VAMP7: variants seen among roughly 807,000 people sequenced by gnomAD.
The protein encoded by VAMP7 is vesicle associated membrane protein 7, also known as vesicle-associated membrane protein 7.
VAMP7 carries 14 observed loss-of-function variants against 29.6 expected under a neutral mutation model. That is an observed-to-expected ratio of 0.47 (90% confidence interval 0.31 to 0.74). VAMP7 has a LOEUF of 0.74. VAMP7 is among the 30% of genes least tolerant of loss of function. The pLI, the probability that VAMP7 is intolerant of heterozygous loss-of-function variation, is 0.05. For synonymous variants in VAMP7, 95 were observed against 88.1 expected (o/e 1.08, Z -0.44); for missense variants, 223 against 262.4 (o/e 0.85, Z 1.04).
chrX:155,912,235 T>A (rs2066247537), intron 5 of VAMP7, among the ~76,000 whole-genome samples: 1 of 152,156 alleles, frequency 6.6e-6, no homozygotes, highest in South Asian at 2.1e-4. Context: ...TATATATTTT[T>A]ATTTGAATAT....
chrX:155,925,474 G>C (rs1391759278), intron 6 of VAMP7, among the ~76,000 whole-genome samples: 1 of 152,196 alleles, frequency 6.6e-6, no homozygotes. Context: ...TTTTGCCAAA[G>C]TTGAGAGCGC....
At chrX:155,908,018 G>A (rs1478958117) in intron 5 of VAMP7, among the ~76,000 whole-genome samples, 6 of 151,530 alleles carry the variant, frequency 4.0e-5, no homozygotes, top group Admixed American at 2.0e-4. Flanking sequence ...GGGCAGAGAC[G>A]CTCCTCACTT....
chrX:155,940,280 A>G (rs1165336578), intron 7 of VAMP7, among the ~76,000 whole-genome samples: 4 of 152,108 alleles, frequency 2.6e-5, no homozygotes, highest in Non-Finnish European at 4.4e-5. Context: ...TACCCTGTTC[A>G]TGGTCAGATA....
chrX:155,916,952 T>G (rs2066322206), intron 5 of VAMP7, among the ~76,000 whole-genome samples: 1 of 152,188 alleles, frequency 6.6e-6, no homozygotes, highest in African/African-American at 2.4e-5. Flanking sequence ...AAAGAATGTT[T>G]TCCAACTTGG....
At chrX:155,939,135 G>T (rs1447995455) in intron 6 of VAMP7, among the ~76,000 whole-genome samples, 2 of 151,896 alleles carry the variant, frequency 1.3e-5, no homozygotes, top group African/African-American at 4.8e-5. Flanking sequence ...AGTTTTGTTG[G>T]TTGGTTGTTT....
chrX:155,919,520 A>C (rs1437765068), intron 5 of VAMP7, among the ~76,000 whole-genome samples: 1 of 152,164 alleles, frequency 6.6e-6, no homozygotes, highest in East Asian at 1.9e-4. Flanking sequence ...GGGTACATTC[A>C]GTAGTGTAGT....
chrX:155,896,277 G>A (rs2065986503), intron 3 of VAMP7, among the ~76,000 whole-genome samples: 1 of 152,110 alleles, frequency 6.6e-6, no homozygotes, highest in Admixed American at 6.5e-5. Flanking sequence ...TTTGTAGTGA[G>A]AATTGATGTT....
chrX:155,940,458 C>T (rs2066727462), intron 7 of VAMP7, among the ~76,000 whole-genome samples: 1 of 152,176 alleles, frequency 6.6e-6, no homozygotes, highest in Non-Finnish European at 1.5e-5. Flanking sequence ...AGATTTTATA[C>T]TGGAAGTAAT....
chrX:155,888,949 ATAAT>A (rs1463335730), intron 1 of VAMP7, among the ~76,000 whole-genome samples: 2 of 152,200 alleles, frequency 1.3e-5, no homozygotes, highest in Non-Finnish European at 2.9e-5. Flanking sequence ...AAATGGATTA[ATAAT>A]TATAAAGTAT....
At chrX:155,903,340 C>A (rs2066096508) in intron 5 of VAMP7, among the ~76,000 whole-genome samples, 1 of 151,974 alleles carries the variant, frequency 6.6e-6, no homozygotes, top group African/African-American at 2.4e-5. Context: ...GCAACAAAAG[C>A]CAAAATTGAC....
intron 5 of VAMP7, among the ~76,000 whole-genome samples, chrX:155,901,166 T>C (rs1238884614): frequency 2.0e-5 from 3 of 152,054 alleles, no homozygotes; most frequent in Admixed American, 6.6e-5. Context: ...TTGTGCCTAT[T>C]ATGTTTTTCT....
At chrX:155,903,395 AACT>A (rs1042515645) in intron 5 of VAMP7, among the ~76,000 whole-genome samples, 13 of 152,202 alleles carry the variant, frequency 8.5e-5, no homozygotes, top group African/African-American at 3.1e-4. Flanking sequence ...CAGCAAAAGA[AACT>A]ACTATCAGAG....
intron 4 of VAMP7, among the ~76,000 whole-genome samples, chrX:155,899,384 C>T (rs986182453): frequency 2.3e-4 from 35 of 151,760 alleles, no homozygotes; most frequent in African/African-American, 7.5e-4. Flanking sequence ...AGACACCTTT[C>T]GAAATGCTTC....
intron 1 of VAMP7, 111 bp downstream of exon 1, chrX:155,881,559 C>T (rs2065801845): frequency 6.6e-6 from 1 of 152,584 alleles, no homozygotes; most frequent in Non-Finnish European, 1.5e-5. Context: ...GCAGGGGTGA[C>T]TTGGGCTTCT....
Position 155,942,442 on chromosome X carries a change from G to A in VAMP7, c.*491G>A. ...TTGTTATTTGGGGAATTGTAATGAT[G>A]TTGGTGCTGCTTCCTTCTAAGAGCT... is the stretch of plus-strand genomic sequence containing the variant. On this transcript the variant is annotated 3_prime_UTR_variant, in exon 8 of 8. Transcript: ENST00000286448. 2.8e-6 allele frequency: 1 copy of A among 354,130 alleles called. No homozygotes were observed. Among genetic ancestry groups the A allele is most frequent in the East Asian group, 4.9e-5 (1 of 20,554 alleles). The allele number at this position is 354,130 out of a possible 1,614,324, so 21.9% of individuals were successfully genotyped here.
In VAMP7 at chrX:155,889,519, A is replaced by G; in HGVS notation, c.53A>G (p.His18Arg). 1.9e-6 allele frequency: 3 copies of G among 1,613,904 alleles called. No homozygotes were observed. The highest frequency in any genetic ancestry group is 2.5e-6 in the Non-Finnish European group (3 of 1,179,840). The change falls in exon 2 of 8, where the codon CAT (histidine) becomes CGT (arginine). Residue 18 changes from histidine (H) to arginine (R), a missense_variant. Transcript: ENST00000286448. ...VARGTTILAK[H>R]AWCGGNFLEV... ...AGGGGGACCACTATCCTTGCCAAAC[A>G]TGCTTGGTGTGGAGGAAACTTCCTG... is the stretch of plus-strand genomic sequence containing the variant.
At chrX:155,937,894 T>G (rs1889812989) in intron 6 of VAMP7, among the ~76,000 whole-genome samples, 1 of 152,204 alleles carries the variant, frequency 6.6e-6, no homozygotes, top group African/African-American at 2.4e-5. Context: ...TCTTACATCT[T>G]CTTTCATGAT....
chrX:155,906,457 C>A (rs2066149030), intron 5 of VAMP7, among the ~76,000 whole-genome samples: 1 of 152,114 alleles, frequency 6.6e-6, no homozygotes, highest in African/African-American at 2.4e-5. Flanking sequence ...ATAGCCTTGA[C>A]CCCTATTGCA....
At chrX:155,897,865 G>A (rs2066007091) in intron 3 of VAMP7, among the ~76,000 whole-genome samples, 1 of 152,096 alleles carries the variant, frequency 6.6e-6, no homozygotes, top group South Asian at 2.1e-4. Context: ...ATTATCTTCA[G>A]TTGTCAATGA....
Sources: allele counts gnomAD v4.1 joint callset (sites outside exome capture counted in the v4.1 genomes callset), GRCh38; gene constraint gnomAD v4.1.1; transcripts MANE v1.5; gene names NCBI Gene and HGNC (gene_info 2026-07-23, HGNC 2026-07-21).